Variants in RAP2A observed in about 807,000 individuals in gnomAD.
RAP2A encodes RAP2A, member of RAS oncogene family.
Under a neutral mutation model 15.1 loss-of-function variants are expected in RAP2A, and 5 were observed. That is an observed-to-expected ratio of 0.33 (90% CI 0.17 to 0.70). The LOEUF (loss-of-function observed/expected upper bound fraction) is 0.70. Ranked by LOEUF, RAP2A falls within the 30% of genes least tolerant of loss-of-function variation. The pLI, the probability that RAP2A is intolerant of heterozygous loss-of-function variation, is 0.68. For synonymous variants in RAP2A, 110 were observed against 99.7 expected, an observed-to-expected ratio of 1.10 and a Z score of -0.62; for missense variants, 111 against 240.3, an observed-to-expected ratio of 0.46 and a Z score of 3.56.
chr13:97,447,289 T>C (rs190635974), intron 1 of RAP2A, among the ~76,000 whole-genome samples: 2 of 152,358 alleles, frequency 1.3e-5, no homozygotes, highest in Non-Finnish European at 2.9e-5. Context: ...TTCAAATGTA[T>C]GTATGTGCCC....
chr13:97,461,820 G>A (rs1204821043), intron 1 of RAP2A, among the ~76,000 whole-genome samples: 1 of 151,328 alleles, frequency 6.6e-6, no homozygotes, highest in African/African-American at 2.4e-5. Flanking sequence ...AAAATTAGTC[G>A]GGCGTGGTGG....
chr13:97,461,018 T>C (rs919184385), intron 1 of RAP2A, among the ~76,000 whole-genome samples: 7 of 152,156 alleles, frequency 4.6e-5, no homozygotes, highest in South Asian at 4.1e-4. Context: ...ATCACTAGAG[T>C]TAGGAGGGGA....
chr13:97,462,353 G>C (rs1265885137), intron 1 of RAP2A, among the ~76,000 whole-genome samples: 1 of 152,064 alleles, frequency 6.6e-6, no homozygotes, highest in Non-Finnish European at 1.5e-5. Flanking sequence ...TCCTGACATG[G>C]CTGGCAGTGT....
In RAP2A at chr13:97,434,389, C is replaced by T. The variant is rs1348285013; in HGVS notation, c.-82C>T. The T allele has an allele frequency of 3.0e-6, 3 of 1,012,418 alleles. No homozygotes were observed. Among genetic ancestry groups the T allele is most frequent in the African/African-American group, 1.8e-5 (1 of 56,472 alleles). 62.7% of individuals were successfully genotyped at this position (1,012,418 alleles called of 1,614,324 possible). A position where few individuals can be genotyped will look rare whatever the true frequency, so the allele number is the denominator to read the frequency against. On this transcript the variant is annotated 5_prime_UTR_variant, in exon 1 of 2. Transcript: ENST00000245304. Reference sequence around the variant, plus strand: ...AGCGGGAGGCGGCGGGGCGGGCCGCCGGGGCCGGGGCTGGGGGCGCAGCGC... The same window carrying T: ...AGCGGGAGGCGGCGGGGCGGGCCGCTGGGGCCGGGGCTGGGGGCGCAGCGC...
rs2066744584 is a variant in RAP2A, at chr13:97,461,155, G to A, written c.315-3050G>A. ...ACTCCCTTTTTACTATCAAAGAAAT[G>A]AAATACAGATATGTAAAGGAAATGA... On this transcript the variant is annotated intron_variant, in intron 1 of 1. Coordinates refer to ENST00000245304, the MANE Select transcript of RAP2A (RefSeq NM_021033.7). 2.6e-5 allele frequency among the ~76,000 whole-genome samples: 4 copies of A among 152,132 alleles called. No individual in the cohort carries two copies. In the South Asian group the frequency reaches 8.3e-4, roughly 31 times the overall value.
chr13:97,455,242 A>T (rs903764294), intron 1 of RAP2A, among the ~76,000 whole-genome samples: 1 of 151,094 alleles, frequency 6.6e-6, no homozygotes. Context: ...CAGTTCTAAA[A>T]TTTTCATGTG....
intron 1 of RAP2A, among the ~76,000 whole-genome samples, chr13:97,453,989 G>T (rs138228154): frequency 0.01 from 1,521 of 150,924 alleles, 68 homozygotes; most frequent in African/African-American, 0.035. Flanking sequence ...TTTTCTAATT[G>T]GATAGTTTGT....
At chr13:97,448,392 T>C (rs2066688394) in intron 1 of RAP2A, among the ~76,000 whole-genome samples, 1 of 152,208 alleles carries the variant, frequency 6.6e-6, no homozygotes, top group Non-Finnish European at 1.5e-5. Flanking sequence ...ATATCCACAG[T>C]ACTTATTAAT....
At chr13:97,447,811 G>A (rs1380036427) in intron 1 of RAP2A, among the ~76,000 whole-genome samples, 1 of 152,094 alleles carries the variant, frequency 6.6e-6, no homozygotes, top group East Asian at 1.9e-4. Context: ...GTCTATAAGT[G>A]TCAAGAACTG....
At chr13:97,437,706 G>T (rs1051457862) in intron 1 of RAP2A, 1 of 152,216 alleles carries the variant, frequency 6.6e-6, no homozygotes. Context: ...TGGAAGAATT[G>T]TGTTGGTATT....
intron 1 of RAP2A, among the ~76,000 whole-genome samples, chr13:97,445,789 T>C (rs555835326): frequency 1.3e-5 from 2 of 152,312 alleles, no homozygotes; most frequent in South Asian, 4.1e-4. Context: ...CAGGATGTTG[T>C]ATGTTTACCA....
chr13:97,448,464 A>G (rs1444280161), intron 1 of RAP2A, among the ~76,000 whole-genome samples: 1 of 151,986 alleles, frequency 6.6e-6, no homozygotes, highest in Non-Finnish European at 1.5e-5. Context: ...GTGGTGTGTA[A>G]CACCACACTA....
At chr13:97,440,419 T>TA (rs1418337770) in intron 1 of RAP2A, among the ~76,000 whole-genome samples, 2 of 152,046 alleles carry the variant, frequency 1.3e-5, no homozygotes, top group African/African-American at 4.8e-5. Flanking sequence ...AAAACTAAGA[T>TA]AAAAGAATTG....
rs35791914 is a variant in RAP2A, at chr13:97,435,465, C to CAAAAA, written c.314+699_314+703dup. Among the ~76,000 whole-genome samples, 73 of 63,608 alleles carry CAAAAA rather than the reference C, an allele frequency of 1.1e-3. 1 individual carries two copies. The highest frequency in any genetic ancestry group is 9.8e-3 in the Middle Eastern group (1 of 102). 41.7% of individuals were successfully genotyped at this position (63,608 alleles called of 152,430 possible). ...TTAATATAGCCGCCTTAACCCCTTC[C>CAAAAA]AAAAAAAAAAAAAAAAAAAAAACAC... On this transcript the variant is annotated intron_variant, in intron 1 of 1. Transcript: ENST00000245304.
rs554667858 is a variant in RAP2A, at chr13:97,466,289, T to A, written c.*1847T>A. 5.3e-5 allele frequency: 8 copies of A among 152,200 alleles called. No homozygotes were observed. The highest frequency in any genetic ancestry group is 1.9e-4 in the African/African-American group (8 of 41,552). 9.4% of individuals were successfully genotyped at this position (152,200 alleles called of 1,614,324 possible). ...CGTGAATGAAACCAGGCCATAGCTGTCATAAATCTTTGACTTTTGAATATT... is the reference window on the plus strand; with the variant it reads ...CGTGAATGAAACCAGGCCATAGCTGACATAAATCTTTGACTTTTGAATATT... On this transcript the variant is annotated 3_prime_UTR_variant, in exon 2 of 2. Transcript: ENST00000245304.
intron 1 of RAP2A, among the ~76,000 whole-genome samples, chr13:97,451,721 T>C (rs1374039301): frequency 6.8e-6 from 1 of 146,332 alleles, no homozygotes; most frequent in Admixed American, 6.7e-5. Context: ...TCAGTACTAA[T>C]GTATACTGCC....
rs2066769430 is a variant in RAP2A at position 97,466,008 on chromosome 13, G to A, written c.*1566G>A. ...ACGTGTGTAACTGAGAGAAGAGTGTGTGTTTGTGTGTGCATGTGTGTTTAT... is the reference window on the plus strand; with the variant it reads ...ACGTGTGTAACTGAGAGAAGAGTGTATGTTTGTGTGTGCATGTGTGTTTAT... On this transcript the variant is annotated 3_prime_UTR_variant, in exon 2 of 2. Transcript: ENST00000245304. 1.3e-5 allele frequency: 2 copies of A among 152,202 alleles called. No homozygotes were observed. The highest frequency in any genetic ancestry group is 6.5e-5 in the Admixed American group (1 of 15,272). 9.4% of individuals were successfully genotyped at this position (152,202 alleles called of 1,614,324 possible).
chr13:97,459,856 GCTTT>G (rs1299139989), intron 1 of RAP2A, among the ~76,000 whole-genome samples: 2 of 152,186 alleles, frequency 1.3e-5, no homozygotes, highest in Non-Finnish European at 2.9e-5. Context: ...TAATTACAGA[GCTTT>G]ATTTGCTTTG....
intron 1 of RAP2A, among the ~76,000 whole-genome samples, chr13:97,440,117 T>C (rs1002517096): frequency 6.6e-5 from 10 of 151,746 alleles, no homozygotes; most frequent in Non-Finnish European, 1.5e-4. Flanking sequence ...CTGTCCCAAG[T>C]AAGTGAAACT....
Sources: gnomAD v4.1 joint callset for allele counts (sites outside exome capture counted in the v4.1 genomes callset) on GRCh38, gnomAD v4.1.1 for gene constraint, MANE v1.5 for transcripts, NCBI Gene and HGNC (gene_info 2026-07-23, HGNC 2026-07-21) for gene names.